The following GRIN2B variants were observed in gnomAD, a reference collection of about 807,000 sequenced individuals.
GRIN2B encodes glutamate receptor ionotropic, NMDA 2B.
A neutral mutation model predicts 114.5 loss-of-function variants in GRIN2B; 5 were observed. That is an observed-to-expected ratio of 0.04 (90% CI 0.02 to 0.09). The LOEUF (loss-of-function observed/expected upper bound fraction) is 0.09. GRIN2B is among the 10% of genes least tolerant of loss of function. The probability of loss-of-function intolerance (pLI) is 1.00; values close to 1 mark genes in which losing one functional copy is unlikely to be tolerated. For missense variants in GRIN2B, 1,108 were observed against 1,943.5 expected (o/e 0.57, Z 8.08); for synonymous variants, 787 against 745.1 (o/e 1.06, Z -0.92).
At chr12:13,866,301 G>T (rs1340959815) in intron 2 of GRIN2B, 75 bp from the exon 3 acceptor site, 4 of 1,261,126 alleles carry the variant, frequency 3.2e-6, no homozygotes, top group East Asian at 2.4e-5. Context: ...GCTAGATACT[G>T]CAATTCAAGG....
chr12:13,919,650 T>C (rs1231201964), intron 2 of GRIN2B, among the ~76,000 whole-genome samples: 1 of 152,118 alleles, frequency 6.6e-6, no homozygotes, highest in Admixed American at 6.6e-5. Flanking sequence ...GGTTTACTAG[T>C]GGAAAATGAC....
chr12:13,736,609 A>G (rs1863188459), intron 4 of GRIN2B, among the ~76,000 whole-genome samples: 1 of 152,184 alleles, frequency 6.6e-6, no homozygotes, highest in South Asian at 2.1e-4. Context: ...AATAAAAAAA[A>G]AGCCAGCTAA....
intron 3 of GRIN2B, among the ~76,000 whole-genome samples, chr12:13,865,384 C>A (rs560913238): frequency 6.6e-6 from 1 of 152,144 alleles, no homozygotes; most frequent in Non-Finnish European, 1.5e-5. Flanking sequence ...GTAATCCCAG[C>A]GCTGTGGGAG....
chr12:13,953,460 A>T (rs1867532424), intron 2 of GRIN2B, among the ~76,000 whole-genome samples: 1 of 152,154 alleles, frequency 6.6e-6, no homozygotes, highest in African/African-American at 2.4e-5. Context: ...ATTCACTCTG[A>T]GATCTGTCCC....
intron 9 of GRIN2B, among the ~76,000 whole-genome samples, chr12:13,609,125 C>G (rs1237091807): frequency 6.6e-6 from 1 of 152,120 alleles, no homozygotes; most frequent in African/African-American, 2.4e-5. Flanking sequence ...CAACCTGCCC[C>G]CATATACAAG....
intron 3 of GRIN2B, among the ~76,000 whole-genome samples, chr12:13,847,771 C>G (rs1459799684): frequency 6.6e-6 from 1 of 152,080 alleles, no homozygotes; most frequent in African/African-American, 2.4e-5. Flanking sequence ...CATGCACAGG[C>G]AGGCTGAGAT....
At chr12:13,898,621 C>T (rs765825948) in intron 2 of GRIN2B, among the ~76,000 whole-genome samples, 19 of 152,116 alleles carry the variant, frequency 1.2e-4, no homozygotes, top group South Asian at 2.1e-4. Flanking sequence ...CAAAAAATGA[C>T]GACAACTGGG....
At chr12:13,768,942 G>A (rs1396456308) in intron 3 of GRIN2B, among the ~76,000 whole-genome samples, 1 of 152,144 alleles carries the variant, frequency 6.6e-6, no homozygotes, top group Non-Finnish European at 1.5e-5. Context: ...ACTGAGGCAG[G>A]AGAATGGTGT....
intron 2 of GRIN2B, among the ~76,000 whole-genome samples, chr12:13,929,957 G>A (rs1243045999): frequency 2.6e-5 from 4 of 152,138 alleles, no homozygotes; most frequent in African/African-American, 9.6e-5. Flanking sequence ...AGGCTGAGGC[G>A]GGCGGATCAC....
intron 4 of GRIN2B, among the ~76,000 whole-genome samples, chr12:13,711,134 T>A (rs192276847): frequency 6.6e-6 from 1 of 152,204 alleles, no homozygotes. Context: ...GAGAAACGAT[T>A]CCCTATTTAA....
Position 13,564,607 on chromosome 12 carries a change from G to T in GRIN2B, c.2631C>A (p.Ile877=), listed in dbSNP as rs1156368940. ...GIYSCIHGVA[I]EERQSVMNSP... ...AGTTCATTACAGACTGGCGCTCCTC[G>T]ATCGCCACCCCATGGATGCAGCTGT... The change falls in exon 14 of 14, where the codon ATC becomes ATA. Residue 877 remains isoleucine, a synonymous_variant. Transcript: ENST00000609686. This position sits in a 1 kb window ranked among gnomAD's most constrained non-coding sequence, Gnocchi z 4.8. The T allele has an allele frequency of 6.2e-7, 1 of 1,613,912 alleles. No individual in the cohort carries two copies. The highest frequency in any genetic ancestry group is 1.1e-5 in the South Asian group (1 of 91,074).
In GRIN2B at chr12:13,549,116, C is replaced by G. The variant is rs886617874; in HGVS notation, c.*13667G>C. On this transcript the variant is annotated 3_prime_UTR_variant, in exon 14 of 14. Transcript: ENST00000609686. ...TCTTCTGCAGCCCAAACTAAAGATA[C>G]TAAAATCTTTGGAAAGATGGATTAT... The G allele has an allele frequency of 1.3e-5, 2 of 152,148 alleles. No individual in the cohort carries two copies. The highest frequency in any genetic ancestry group is 2.4e-5 in the African/African-American group (1 of 41,428). The allele number at this position is 152,148 out of a possible 1,614,324, so 9.4% of individuals were successfully genotyped here. A position where few individuals can be genotyped will look rare whatever the true frequency, so the allele number is the denominator to read the frequency against.
chr12:13,892,941 G>A (rs1866287536), intron 2 of GRIN2B, among the ~76,000 whole-genome samples: 1 of 152,174 alleles, frequency 6.6e-6, no homozygotes, highest in Admixed American at 6.5e-5. Context: ...GGAACAAGTG[G>A]GTTCAAAGCA....
At chr12:13,639,672 T>C (rs897349363) in intron 5 of GRIN2B, among the ~76,000 whole-genome samples, 1 of 152,114 alleles carries the variant, frequency 6.6e-6, no homozygotes. Context: ...TGATCAGCAC[T>C]CAGAATGCTC....
At chr12:13,851,924 G>A (rs1865572023) in intron 3 of GRIN2B, among the ~76,000 whole-genome samples, 1 of 150,568 alleles carries the variant, frequency 6.6e-6, no homozygotes, top group Admixed American at 6.6e-5. Context: ...AGAAATAAGA[G>A]TAGGCAGAGG....
rs766626849 is a variant in GRIN2B at position 13,615,695 on chromosome 12, AC to A, written c.1329-32del. On this transcript the variant is annotated intron_variant, in intron 6 of 13. Transcript: ENST00000609686. The surrounding 1 kb of genome is among the most constrained non-coding windows in gnomAD (Gnocchi z 5.8). ...CAATTAAAGAAACAAAAACAAACAA[AC>A]AAAAAAGTCTTTGTACAAAAAGCCA... 8 of 1,598,008 alleles carry A rather than the reference AC, an allele frequency of 5.0e-6. No homozygotes were observed. Among genetic ancestry groups the A allele is most frequent in the Non-Finnish European group, 6.9e-6 (8 of 1,165,468 alleles).
At chr12:13,958,439 C>T (rs1164128454) in intron 2 of GRIN2B, among the ~76,000 whole-genome samples, 2 of 152,164 alleles carry the variant, frequency 1.3e-5, no homozygotes, top group African/African-American at 4.8e-5. Context: ...ATCTCATTTG[C>T]CAAATGAGGT....
chr12:13,774,128 A>G (rs11608748), intron 3 of GRIN2B, among the ~76,000 whole-genome samples: 35,384 of 152,070 alleles, frequency 0.23, 4,435 homozygotes, highest in Non-Finnish European at 0.29. Flanking sequence ...AGAAGGGAAA[A>G]CTGCTTTTCT....
At position 13,854,631 on chromosome 12, in the gene GRIN2B, G is replaced by A. The variant is rs1177458660; in HGVS notation, c.411+11167C>T. On this transcript the variant is annotated intron_variant, in intron 3 of 13. Transcript: ENST00000609686. ...GCCAGTCCCACCAAGGGCCTCGGTA[G>A]TGGAACAGCTAAAGGGAACACTGAC... is the stretch of plus-strand genomic sequence containing the variant. Among the ~76,000 whole-genome samples the A allele has an allele frequency of 2.1e-5, 3 of 146,302 alleles. No homozygotes were observed. In the Admixed American group the frequency reaches 2.1e-4, roughly 10 times the overall value.
Sources: allele counts gnomAD v4.1 joint callset (sites outside exome capture counted in the v4.1 genomes callset), GRCh38; gene constraint gnomAD v4.1.1; non-coding constraint Gnocchi (gnomAD v3.1); transcripts MANE v1.5; gene names NCBI Gene and HGNC (gene_info 2026-07-23, HGNC 2026-07-21).